Variants in SLC8A1 observed in about 807,000 individuals in gnomAD.
SLC8A1 encodes solute carrier family 8 member A1.
A neutral mutation model predicts 68.3 loss-of-function variants in SLC8A1; 18 were observed. The observed-to-expected ratio is 0.26, with a 90% CI of 0.18 to 0.39. The LOEUF is 0.39. Ranked by LOEUF, SLC8A1 falls within the 10% of genes least tolerant of loss-of-function variation. SLC8A1 has a pLI of 1.00. For missense variants in SLC8A1, 985 were observed against 1,156.7 expected, an observed-to-expected ratio of 0.85 and a Z score of 2.15; for synonymous variants, 475 against 415.5, an observed-to-expected ratio of 1.14 and a Z score of -1.74.
At chr2:40,111,713 G>A (rs778800902) in exon 8 of SLC8A1, 3 of 152,094 alleles carry the variant, frequency 2.0e-5, no homozygotes, top group East Asian at 1.9e-4. Context: ...GACAGAAATC[G>A]TTAATGCGAG....
chr2:40,335,054 G>T (rs1665494767), intron 2 of SLC8A1, among the ~76,000 whole-genome samples: 1 of 152,168 alleles, frequency 6.6e-6, no homozygotes, highest in South Asian at 2.1e-4. Flanking sequence ...GAGGTCATTA[G>T]TGCTCCCATT....
At chr2:40,316,758 CCT>C (rs1243118980) in intron 2 of SLC8A1, among the ~76,000 whole-genome samples, 2 of 151,930 alleles carry the variant, frequency 1.3e-5, no homozygotes, top group African/African-American at 4.8e-5. Context: ...GTCCAAAATA[CCT>C]CCCTCCCCCA....
intron 2 of SLC8A1, among the ~76,000 whole-genome samples, chr2:40,227,071 C>T (rs1416948866): frequency 6.6e-6 from 1 of 152,074 alleles, no homozygotes; most frequent in African/African-American, 2.4e-5. Flanking sequence ...GACCCTCTTT[C>T]CCCAGGGGAT....
chr2:40,108,275 C>T lies in SLC8A1; in HGVS notation c.*6978G>A, dbSNP rs538079382. ...TACAAATAACTCAATAATTTGGAAACGTGTGCCAAAAACATGCTTTTCTTT... is the reference window on the plus strand; with the variant it reads ...TACAAATAACTCAATAATTTGGAAATGTGTGCCAAAAACATGCTTTTCTTT... On this transcript the variant is annotated 3_prime_UTR_variant, in exon 8 of 8. Coordinates refer to ENST00000406785, the Ensembl canonical transcript of SLC8A1. 1.0e-4 allele frequency: 15 copies of T among 146,890 alleles called. No individual in the cohort carries two copies. In the South Asian group the frequency reaches 2.3e-3, roughly 22 times the overall value. The allele number at this position is 146,890 out of a possible 1,614,324, so 9.1% of individuals were successfully genotyped here. A position where few individuals can be genotyped will look rare whatever the true frequency, so the allele number is the denominator to read the frequency against.
intron 7 of SLC8A1, among the ~76,000 whole-genome samples, chr2:40,128,942 A>G (rs1034127341): frequency 7.2e-5 from 11 of 152,218 alleles, no homozygotes; most frequent in African/African-American, 2.7e-4. Flanking sequence ...AGTCAAACCT[A>G]TTGAGTCAGA....
chr2:40,133,710 C>CG (rs1375731354), intron 7 of SLC8A1, among the ~76,000 whole-genome samples: 2 of 57,884 alleles, frequency 3.5e-5, no homozygotes, highest in African/African-American at 1.2e-4. Flanking sequence ...ATCCCCCCCC[C>CG]CCACCGACTC....
At chr2:40,448,722 G>C (rs778541917) in intron 1 of SLC8A1, among the ~76,000 whole-genome samples, 3 of 152,074 alleles carry the variant, frequency 2.0e-5, no homozygotes, top group Non-Finnish European at 4.4e-5. Flanking sequence ...ATTTGGTAGG[G>C]GTTATGATGA....
At chr2:40,296,226 C>T (rs1466499318) in intron 2 of SLC8A1, among the ~76,000 whole-genome samples, 1 of 152,086 alleles carries the variant, frequency 6.6e-6, no homozygotes, top group Non-Finnish European at 1.5e-5. Context: ...AAAATACATG[C>T]TAGAAAGTGC....
chr2:40,499,337 TC>T (rs1458526751), intron 1 of SLC8A1, among the ~76,000 whole-genome samples: 1 of 152,010 alleles, frequency 6.6e-6, no homozygotes, highest in African/African-American at 2.4e-5. Flanking sequence ...ATTTTCCTCA[TC>T]TAAAAATGAG....
At chr2:40,391,156 T>TAA (rs1351016799) in intron 2 of SLC8A1, among the ~76,000 whole-genome samples, 3 of 105,200 alleles carry the variant, frequency 2.9e-5, no homozygotes, top group African/African-American at 1.2e-4. Context: ...TATATATATA[T>TAA]AAATATATAT....
At chr2:40,320,161 G>C (rs1324129849) in intron 2 of SLC8A1, among the ~76,000 whole-genome samples, 2 of 151,772 alleles carry the variant, frequency 1.3e-5, no homozygotes, top group Non-Finnish European at 2.9e-5. Context: ...ATAGTTGCAG[G>C]TGTTTTTTAT....
chr2:40,338,466 G>A (rs1019398666), intron 2 of SLC8A1, among the ~76,000 whole-genome samples: 1 of 152,140 alleles, frequency 6.6e-6, no homozygotes, highest in African/African-American at 2.4e-5. Context: ...CCTGCTGATT[G>A]AAGATTACTC....
At chr2:40,331,946 T>A (rs1213302274) in intron 2 of SLC8A1, among the ~76,000 whole-genome samples, 4 of 152,012 alleles carry the variant, frequency 2.6e-5, no homozygotes, top group Non-Finnish European at 5.9e-5. Flanking sequence ...CTCCATGTAT[T>A]TATTTATTTT....
chr2:40,331,947 T>C (rs1258586066), intron 2 of SLC8A1, among the ~76,000 whole-genome samples: 4 of 152,058 alleles, frequency 2.6e-5, no homozygotes, highest in Non-Finnish European at 5.9e-5. Flanking sequence ...TCCATGTATT[T>C]ATTTATTTTC....
chr2:40,121,157 T>G (rs1352217086), intron 7 of SLC8A1, among the ~76,000 whole-genome samples: 1 of 152,206 alleles, frequency 6.6e-6, no homozygotes, highest in Non-Finnish European at 1.5e-5. Context: ...ATGACTGTAT[T>G]CTCTCTCTTG....
chr2:40,140,790 C>A (rs1303430701), intron 6 of SLC8A1, among the ~76,000 whole-genome samples: 1 of 152,054 alleles, frequency 6.6e-6, no homozygotes, highest in African/African-American at 2.4e-5. Flanking sequence ...TGAAGGAGTG[C>A]ATGCAGAAAT....
chr2:40,353,614 G>A (rs530919692), intron 2 of SLC8A1, among the ~76,000 whole-genome samples: 2 of 152,120 alleles, frequency 1.3e-5, no homozygotes, highest in Admixed American at 6.6e-5. Context: ...TAAATTTTAA[G>A]CATGTTATAA....
intron 1 of SLC8A1, among the ~76,000 whole-genome samples, chr2:40,458,594 C>G (rs929620228): frequency 6.6e-6 from 1 of 152,124 alleles, no homozygotes; most frequent in Admixed American, 6.5e-5. Flanking sequence ...GTCACCATAT[C>G]TACACCGGTG....
At chr2:40,206,061 T>C (rs955787841) in intron 2 of SLC8A1, among the ~76,000 whole-genome samples, 1 of 151,992 alleles carries the variant, frequency 6.6e-6, no homozygotes, top group African/African-American at 2.4e-5. Context: ...TACAGAAAAC[T>C]AGGTTGTTTT....
Sources: gnomAD v4.1 joint callset for allele counts (sites outside exome capture counted in the v4.1 genomes callset) on GRCh38, gnomAD v4.1.1 for gene constraint, MANE v1.5 for transcripts, NCBI Gene and HGNC (gene_info 2026-07-23, HGNC 2026-07-21) for gene names.